The following NRG1 variants were observed in gnomAD, a reference collection of about 807,000 sequenced individuals.
NRG1 encodes pro-neuregulin-1, membrane-bound isoform.
Under a neutral mutation model 63.8 loss-of-function variants are expected in NRG1, and 18 were observed. The ratio of observed to expected loss-of-function variants is 0.28; its 90% confidence interval spans 0.19 to 0.42. The LOEUF (loss-of-function observed/expected upper bound fraction) is 0.42, where lower values mean the gene tolerates loss of function less well. Among genes scored for constraint, NRG1 ranks in the 10% least tolerant of loss-of-function variants. The probability of loss-of-function intolerance (pLI) is 1.00; values close to 1 mark genes in which losing one functional copy is unlikely to be tolerated. For synonymous variants in NRG1, 302 were observed against 301.3 expected (o/e 1.00, Z -0.02); for missense variants, 762 against 814.7 (o/e 0.94, Z 0.79).
At chr8:32,458,339 A>C (rs181244664) in intron 1 of NRG1, among the ~76,000 whole-genome samples, 52 of 152,302 alleles carry the variant, frequency 3.4e-4, no homozygotes, top group African/African-American at 1.1e-3. Flanking sequence ...AAATAAATAA[A>C]TGAAAATATT....
intron 1 of NRG1, among the ~76,000 whole-genome samples, chr8:32,411,533 A>G (rs1166292339): frequency 6.6e-6 from 1 of 152,210 alleles, no homozygotes; most frequent in Non-Finnish European, 1.5e-5. Context: ...AAGGAAAGGA[A>G]TATTCTTTAT....
intron 1 of NRG1, among the ~76,000 whole-genome samples, chr8:32,401,572 A>G (rs759138156): frequency 1.3e-5 from 2 of 152,138 alleles, no homozygotes; most frequent in African/African-American, 2.4e-5. Context: ...AAGGGAGTTC[A>G]TGTCCTTTGA....
At chr8:32,695,945 T>C (rs191844756) in intron 5 of NRG1, among the ~76,000 whole-genome samples, 4 of 152,260 alleles carry the variant, frequency 2.6e-5, no homozygotes, top group Non-Finnish European at 4.4e-5. Context: ...GTCTGGATGC[T>C]AAAAATCAGA....
chr8:32,073,522 T>C (rs1226409147), intron 1 of NRG1, among the ~76,000 whole-genome samples: 2 of 152,148 alleles, frequency 1.3e-5, no homozygotes, highest in African/African-American at 4.8e-5. Context: ...AAATGCTCTG[T>C]TTTTATGCGT....
intron 1 of NRG1, among the ~76,000 whole-genome samples, chr8:32,389,766 T>C (rs1283581668): frequency 6.7e-6 from 1 of 149,146 alleles, no homozygotes; most frequent in Non-Finnish European, 1.5e-5. Flanking sequence ...TTTCTTTTTT[T>C]TTTTTTTTTT....
chr8:32,231,352 C>G (rs1021334071), intron 1 of NRG1, among the ~76,000 whole-genome samples: 21 of 152,032 alleles, frequency 1.4e-4, no homozygotes, highest in African/African-American at 5.1e-4. Flanking sequence ...ACATTATTAA[C>G]TTGAAAGAAA....
intron 6 of NRG1, among the ~76,000 whole-genome samples, chr8:32,733,180 C>G (rs1395899757): frequency 1.3e-5 from 2 of 152,100 alleles, no homozygotes; most frequent in African/African-American, 4.8e-5. Context: ...CACCAACTAT[C>G]TTTATAACTT....
chr8:31,674,808 C>T (rs1184040175), intron 1 of NRG1, among the ~76,000 whole-genome samples: 1 of 152,216 alleles, frequency 6.6e-6, no homozygotes, highest in Non-Finnish European at 1.5e-5. Context: ...TGGCTATGTC[C>T]TTCGTAGCAT....
chr8:31,881,695 G>T (rs547291176), intron 1 of NRG1, among the ~76,000 whole-genome samples: 2 of 152,288 alleles, frequency 1.3e-5, no homozygotes, highest in Middle Eastern at 3.4e-3. Context: ...CTACTTTAGC[G>T]AATACACAAA....
intron 1 of NRG1, among the ~76,000 whole-genome samples, chr8:31,761,910 C>T (rs1817601782): frequency 6.6e-6 from 1 of 152,116 alleles, no homozygotes; most frequent in South Asian, 2.1e-4. Context: ...CAGTATCTTT[C>T]AAGTACAATA....
rs569352951 is a variant in NRG1, at chr8:31,786,197, A to G, written c.37+146766A>G. Reference sequence around the variant, plus strand: ...TGCAAAGAATTGAGTTTCGATTCTGACTTAAGAGACATAAACAAGGAAAAG... The same window carrying G: ...TGCAAAGAATTGAGTTTCGATTCTGGCTTAAGAGACATAAACAAGGAAAAG... On this transcript the variant is annotated intron_variant, in intron 1 of 10. Coordinates refer to the NRG1 transcript ENST00000519301. Among the ~76,000 whole-genome samples the G allele has an allele frequency of 3.6e-4, 55 of 152,342 alleles. 1 individual carries two copies. Among genetic ancestry groups the G allele is most frequent in the African/African-American group, 1.2e-3 (48 of 41,590 alleles).
chr8:32,569,695 G>A (rs947627924), intron 1 of NRG1, among the ~76,000 whole-genome samples: 8 of 151,620 alleles, frequency 5.3e-5, no homozygotes, highest in African/African-American at 1.9e-4. Context: ...AGAAATACAG[G>A]CTTGTATAGA....
At chr8:31,936,860 T>A (rs554087340) in intron 1 of NRG1, among the ~76,000 whole-genome samples, 1 of 152,362 alleles carries the variant, frequency 6.6e-6, no homozygotes, top group Non-Finnish European at 1.5e-5. Context: ...AGAACTTTAA[T>A]CTGGTGCAAT....
At chr8:32,335,366 T>A (rs1259394947) in intron 1 of NRG1, among the ~76,000 whole-genome samples, 3 of 152,158 alleles carry the variant, frequency 2.0e-5, no homozygotes, top group Non-Finnish European at 4.4e-5. Flanking sequence ...ATTAAGGAGT[T>A]CACACAGACA....
rs987403541 is a variant in NRG1 at position 32,402,424 on chromosome 8, T to TA, written c.38-193394dup. On this transcript the variant is annotated intron_variant, in intron 1 of 10. Coordinates refer to the NRG1 transcript ENST00000519301. ...GTCTAAAAATATTAAATGGAAAATT[T>TA]AAAAAAAAAACAATTCATAAGTGTT... Among the ~76,000 whole-genome samples, 309 of 148,746 alleles carry TA rather than the reference T, an allele frequency of 2.1e-3. 1 individual carries two copies. The highest frequency in any genetic ancestry group is 3.6e-3 in the Non-Finnish European group (238 of 66,912).
At chr8:31,803,729 A>G (rs1822011085) in intron 1 of NRG1, among the ~76,000 whole-genome samples, 1 of 152,194 alleles carries the variant, frequency 6.6e-6, no homozygotes, top group Non-Finnish European at 1.5e-5. Flanking sequence ...AATGACTTCC[A>G]TTGCACTTAA....
intron 1 of NRG1, among the ~76,000 whole-genome samples, chr8:32,482,565 C>A (rs941476992): frequency 1.3e-5 from 2 of 152,200 alleles, no homozygotes; most frequent in Non-Finnish European, 2.9e-5. Context: ...TTCCCTGAAG[C>A]TGTCCAACCT....
chr8:32,391,204 C>T (rs2129483981), intron 1 of NRG1, among the ~76,000 whole-genome samples: 1 of 152,114 alleles, frequency 6.6e-6, no homozygotes, highest in South Asian at 2.1e-4. Context: ...GATCATGGCT[C>T]ACTGCAGCCT....
intron 5 of NRG1, among the ~76,000 whole-genome samples, chr8:32,694,117 C>A (rs182433292): frequency 6.6e-5 from 10 of 152,300 alleles, no homozygotes; most frequent in African/African-American, 2.4e-4. Flanking sequence ...GTATTCTTTT[C>A]ACTGAGGGTA....
Sources: allele counts gnomAD v4.1 joint callset (sites outside exome capture counted in the v4.1 genomes callset), GRCh38; gene constraint gnomAD v4.1.1; transcripts MANE v1.5; gene names NCBI Gene and HGNC (gene_info 2026-07-23, HGNC 2026-07-21).